CA13: variants seen among roughly 807,000 people sequenced by gnomAD.
CA13 encodes carbonic anhydrase 13, also known as CA-XIII.
A neutral mutation model predicts 31.5 loss-of-function variants in CA13; 21 were observed. The ratio of observed to expected loss-of-function variants is 0.67; its 90% confidence interval spans 0.47 to 0.96. The LOEUF (loss-of-function observed/expected upper bound fraction) is 0.96, where lower values mean the gene tolerates loss of function less well. Ranked by LOEUF, CA13 falls within the 40% of genes least tolerant of loss-of-function variation. CA13 has a pLI of 0.00. For missense variants in CA13, 315 were observed against 318.9 expected, an observed-to-expected ratio of 0.99 and a Z score of 0.09; for synonymous variants, 117 against 111.4, an observed-to-expected ratio of 1.05 and a Z score of -0.32.
Position 85,250,926 on chromosome 8 carries a change from A to T in CA13, c.224A>T (p.Glu75Val). Reference protein sequence around the residue: ...HSFNVDFDDTENKSVLRGGPL... With the variant: ...HSFNVDFDDTVNKSVLRGGPL... Reference sequence around the variant, plus strand: ...TTCAATGTTGACTTTGATGACACAGAGAACAAATCAGGTTGGCTTTTCTTT... The same window carrying T: ...TTCAATGTTGACTTTGATGACACAGTGAACAAATCAGGTTGGCTTTTCTTT... The change falls in exon 2 of 7, where the codon GAG (glutamate) becomes GTG (valine). Residue 75 changes from glutamate to valine, a missense_variant. Coordinates refer to ENST00000321764, the MANE Select transcript of CA13 (RefSeq NM_198584.3). 1.9e-6 allele frequency: 3 copies of T among 1,613,740 alleles called. No individual in the cohort carries two copies. The highest frequency in any genetic ancestry group is 1.7e-6 in the Non-Finnish European group (2 of 1,179,854).
At chr8:85,266,014 C>T (rs768580946) in intron 3 of CA13, among the ~76,000 whole-genome samples, 1 of 152,142 alleles carries the variant, frequency 6.6e-6, no homozygotes, top group East Asian at 1.9e-4. Context: ...GACTTCTCCA[C>T]CCATCTGTGA....
At chr8:85,258,648 G>A (rs759317989) in intron 2 of CA13, among the ~76,000 whole-genome samples, 41 of 150,630 alleles carry the variant, frequency 2.7e-4, no homozygotes, top group Middle Eastern at 6.9e-3. Flanking sequence ...AGAAGTTAGG[G>A]TTTGTTGCCA....
intron 2 of CA13, among the ~76,000 whole-genome samples, chr8:85,255,244 T>A (rs1215415274): frequency 6.6e-6 from 1 of 151,598 alleles, no homozygotes; most frequent in Non-Finnish European, 1.5e-5. Context: ...GGTTGCACAC[T>A]ACCATGCCTA....
chr8:85,255,932 A>G (rs1168334149), intron 2 of CA13, among the ~76,000 whole-genome samples: 2 of 151,760 alleles, frequency 1.3e-5, no homozygotes, highest in Middle Eastern at 3.2e-3. Flanking sequence ...CTGTCTTTCC[A>G]TTTAGCTAAA....
intron 6 of CA13, among the ~76,000 whole-genome samples, chr8:85,271,969 C>T (rs546908160): frequency 1.8e-4 from 27 of 151,986 alleles, no homozygotes; most frequent in Middle Eastern, 6.8e-3. Context: ...CTCAGGAGGC[C>T]GAGGCAGGAG....
chr8:85,246,861 AAAG>A (rs1411277051), intron 1 of CA13, among the ~76,000 whole-genome samples: 2 of 152,228 alleles, frequency 1.3e-5, no homozygotes, highest in African/African-American at 2.4e-5. Flanking sequence ...AATACATAAT[AAAG>A]AAAAAAATTA....
intron 2 of CA13, 115 bp from the exon 3 acceptor site, chr8:85,259,306 A>G (rs1807345470): frequency 6.5e-6 from 5 of 768,084 alleles, no homozygotes; most frequent in Non-Finnish European, 1.1e-5. Flanking sequence ...ACACATTTGT[A>G]AAAAATTCCT....
At chr8:85,252,459 C>T (rs1011596339) in intron 2 of CA13, among the ~76,000 whole-genome samples, 4 of 152,126 alleles carry the variant, frequency 2.6e-5, no homozygotes, top group Non-Finnish European at 4.4e-5. Flanking sequence ...GTAATCATTT[C>T]GTTTAATGAT....
In CA13 at chr8:85,282,587, A is replaced by G. The variant is rs551887104; in HGVS notation, c.*1238A>G. On this transcript the variant is annotated 3_prime_UTR_variant, in exon 7 of 7. Coordinates refer to ENST00000321764, the MANE Select transcript of CA13 (RefSeq NM_198584.3). ...AAAATTACTTCAGTCTCATATAAAT[A>G]TAGAATGGGTCCATAAACCCTTCAA... 8 of 152,372 alleles carry G rather than the reference A, an allele frequency of 5.3e-5. No individual in the cohort carries two copies. Among genetic ancestry groups the G allele is most frequent in the Non-Finnish European group, 1.0e-4 (7 of 68,038 alleles). 9.4% of individuals were successfully genotyped at this position (152,372 alleles called of 1,614,324 possible). A position where few individuals can be genotyped will look rare whatever the true frequency, so the allele number is the denominator to read the frequency against.
At position 85,282,175 on chromosome 8, in the gene CA13, C is replaced by T. The variant is rs1352897272; in HGVS notation, c.*826C>T. Reference sequence around the variant, plus strand: ...GTGATTATATTGCTAACTCTCATTGCATGATACCTTTAATAAAATGAACAA... The same window carrying T: ...GTGATTATATTGCTAACTCTCATTGTATGATACCTTTAATAAAATGAACAA... On this transcript the variant is annotated 3_prime_UTR_variant, in exon 7 of 7. Transcript: ENST00000321764. The T allele has an allele frequency of 6.6e-6, 1 of 152,216 alleles. No homozygotes were observed. The highest frequency in any genetic ancestry group is 1.5e-5 in the Non-Finnish European group (1 of 68,018). 9.4% of individuals were successfully genotyped at this position (152,216 alleles called of 1,614,324 possible). A position where few individuals can be genotyped will look rare whatever the true frequency, so the allele number is the denominator to read the frequency against.
intron 6 of CA13, among the ~76,000 whole-genome samples, chr8:85,279,191 A>T (rs1026043199): frequency 1.3e-5 from 2 of 152,234 alleles, no homozygotes; most frequent in African/African-American, 2.4e-5. Context: ...CTTCAGCCTC[A>T]AGGCTGAACT....
At chr8:85,278,745 G>A (rs1463084106) in intron 6 of CA13, among the ~76,000 whole-genome samples, 1 of 152,134 alleles carries the variant, frequency 6.6e-6, no homozygotes, top group Non-Finnish European at 1.5e-5. Flanking sequence ...TTCTACCTTT[G>A]TGTACTTTTG....
intron 6 of CA13, among the ~76,000 whole-genome samples, chr8:85,276,290 C>G (rs1807606195): frequency 6.6e-6 from 1 of 152,216 alleles, no homozygotes; most frequent in Non-Finnish European, 1.5e-5. Context: ...TGCAGCCCGC[C>G]ATGCTTGAGC....
At chr8:85,254,880 A>G (rs1437841758) in intron 2 of CA13, among the ~76,000 whole-genome samples, 1 of 150,056 alleles carries the variant, frequency 6.7e-6, no homozygotes, top group Non-Finnish European at 1.5e-5. Flanking sequence ...AACAGTTTCC[A>G]TTTTGTAAAG....
chr8:85,266,396 A>G (rs1409951570), intron 3 of CA13, among the ~76,000 whole-genome samples: 1 of 152,166 alleles, frequency 6.6e-6, no homozygotes, highest in East Asian at 1.9e-4. Flanking sequence ...AATATAGTGG[A>G]CCACAGACTA....
chr8:85,258,104 G>A (rs1028517665), intron 2 of CA13, among the ~76,000 whole-genome samples: 4 of 151,434 alleles, frequency 2.6e-5, no homozygotes, highest in Admixed American at 6.6e-5. Context: ...GGGCTCAAGC[G>A]ATCCTCCCTC....
At chr8:85,278,265 C>CAAAA (rs1012685036) in intron 6 of CA13, among the ~76,000 whole-genome samples, 6 of 76,948 alleles carry the variant, frequency 7.8e-5, no homozygotes, top group African/African-American at 2.1e-4. Context: ...GACTCTATCT[C>CAAAA]AAAAAAAAAA....
At chr8:85,273,546 C>G (rs184407942) in intron 6 of CA13, among the ~76,000 whole-genome samples, 8 of 152,224 alleles carry the variant, frequency 5.3e-5, no homozygotes, top group African/African-American at 1.7e-4. Flanking sequence ...TCCCAAGGCG[C>G]AAGGCCACTT....
intron 3 of CA13, among the ~76,000 whole-genome samples, chr8:85,262,402 G>T (rs79625298): frequency 2.6e-5 from 4 of 152,110 alleles, no homozygotes; most frequent in Admixed American, 6.5e-5. Context: ...TAGGTCAAGT[G>T]GGGGGACAGC....
Sources: allele counts gnomAD v4.1 joint callset (sites outside exome capture counted in the v4.1 genomes callset), GRCh38; gene constraint gnomAD v4.1.1; transcripts MANE v1.5; gene names NCBI Gene and HGNC (gene_info 2026-07-23, HGNC 2026-07-21).